The following KLF12 variants were observed in gnomAD, a reference collection of about 807,000 sequenced individuals.
KLF12 encodes Krueppel-like factor 12.
In KLF12, 9 loss-of-function variants were observed where a neutral mutation model predicts 37.8. That is an observed-to-expected ratio of 0.24 (90% CI 0.14 to 0.42). The LOEUF (loss-of-function observed/expected upper bound fraction) is 0.42, where lower values mean the gene tolerates loss of function less well. KLF12 is among the 10% of genes least tolerant of loss of function. KLF12 has a pLI of 1.00. For missense variants in KLF12, 411 were observed against 516.0 expected (o/e 0.80, Z 1.97); for synonymous variants, 208 against 202.1 (o/e 1.03, Z -0.25).
At chr13:74,072,364 AATATATATATATATATAT>A (rs773653636) in intron 1 of KLF12, among the ~76,000 whole-genome samples, 3,311 of 63,110 alleles carry the variant, frequency 0.052, 215 homozygotes, top group African/African-American at 0.12. Context: ...AAGAAATACA[AATATATATATATATATAT>A]ATATATATAT....
chr13:74,213,402 A>G, the KLF12 span, among the ~76,000 whole-genome samples: 12 of 152,300 alleles, frequency 7.9e-5, no homozygotes, highest in African/African-American at 2.9e-4. Flanking sequence ...TTTAACAGAT[A>G]AAGAGAAATT....
chr13:73,851,482 T>C (rs1361432635), intron 3 of KLF12, among the ~76,000 whole-genome samples: 1 of 152,218 alleles, frequency 6.6e-6, no homozygotes, highest in Non-Finnish European at 1.5e-5. Flanking sequence ...AGGAAGATCA[T>C]GTAACAGTTG....
intron 1 of KLF12, among the ~76,000 whole-genome samples, chr13:74,099,684 C>T (rs1876201149): frequency 1.3e-5 from 2 of 152,142 alleles, no homozygotes. Context: ...TTCCACAGCA[C>T]CCTGCTATTT....
At chr13:73,990,022 G>A (rs1309653760) in intron 2 of KLF12, among the ~76,000 whole-genome samples, 1 of 151,934 alleles carries the variant, frequency 6.6e-6, no homozygotes, top group Non-Finnish European at 1.5e-5. Context: ...AAAATAAGTC[G>A]ACATAGCTAT....
chr13:74,183,622 G>T, the KLF12 span, among the ~76,000 whole-genome samples: 3 of 151,976 alleles, frequency 2.0e-5, no homozygotes, highest in Non-Finnish European at 4.4e-5. Flanking sequence ...CACCAACAGC[G>T]TATTTAGAAA....
chr13:73,916,247 G>GCACA (rs34551604), intron 3 of KLF12, among the ~76,000 whole-genome samples: 4 of 146,642 alleles, frequency 2.7e-5, no homozygotes, highest in African/African-American at 7.6e-5. Flanking sequence ...ACACGCACAC[G>GCACA]CACACACACA....
chr13:73,692,557 T>C lies in KLF12; in HGVS notation c.*2933A>G, dbSNP rs1200445080. 1 of 152,682 alleles carries C rather than the reference T, an allele frequency of 6.5e-6. No individual in the cohort carries two copies. Among genetic ancestry groups the C allele is most frequent in the Non-Finnish European group, 1.5e-5 (1 of 68,048 alleles). 9.5% of individuals were successfully genotyped at this position (152,682 alleles called of 1,614,324 possible). ...TCTACTGCTTTTCTGTTGCTCATGA[T>C]GCACTGTGCTTTTTGAAAGAGGCTA... On this transcript the variant is annotated 3_prime_UTR_variant, in exon 8 of 8. Coordinates refer to ENST00000377669, the MANE Select transcript of KLF12 (RefSeq NM_007249.5).
chr13:74,134,986 C>G (rs1313781041), upstream of KLF12, among the ~76,000 whole-genome samples: 1 of 151,632 alleles, frequency 6.6e-6, no homozygotes, highest in Admixed American at 6.6e-5. Context: ...CCCTGGGCGC[C>G]GGGCATCGCC....
At chr13:74,186,706 T>C in the KLF12 span, among the ~76,000 whole-genome samples, 1 of 152,204 alleles carries the variant, frequency 6.6e-6, no homozygotes, top group African/African-American at 2.4e-5. Context: ...TAAACTACAT[T>C]TTACCTACAT....
intron 5 of KLF12, among the ~76,000 whole-genome samples, chr13:73,786,299 G>T (rs891672868): frequency 6.6e-6 from 1 of 152,044 alleles, no homozygotes; most frequent in Non-Finnish European, 1.5e-5. Context: ...CAGCAACCAA[G>T]AACCCTAAAA....
chr13:74,092,909 C>A (rs1875760351), intron 1 of KLF12, among the ~76,000 whole-genome samples: 1 of 152,210 alleles, frequency 6.6e-6, no homozygotes, highest in African/African-American at 2.4e-5. Flanking sequence ...AGCTTCCTCG[C>A]TCACTCTCCT....
chr13:74,209,583 A>T, the KLF12 span, among the ~76,000 whole-genome samples: 1 of 151,620 alleles, frequency 6.6e-6, no homozygotes, highest in African/African-American at 2.4e-5. Flanking sequence ...TAGTTAAAAA[A>T]TTTGAGAACT....
chr13:74,190,037 A>T, the KLF12 span, among the ~76,000 whole-genome samples: 1 of 151,870 alleles, frequency 6.6e-6, no homozygotes, highest in African/African-American at 2.4e-5. Flanking sequence ...TATTGCAAAG[A>T]TTACTGCAAA....
At chr13:74,153,895 G>T in the KLF12 span, among the ~76,000 whole-genome samples, 5 of 152,140 alleles carry the variant, frequency 3.3e-5, no homozygotes, top group South Asian at 1.0e-3. Context: ...TGATGTTTTT[G>T]TTCTAGATTG....
At chr13:74,195,845 A>G in the KLF12 span, among the ~76,000 whole-genome samples, 1 of 152,100 alleles carries the variant, frequency 6.6e-6, no homozygotes, top group Non-Finnish European at 1.5e-5. Context: ...TGGCCTCCCA[A>G]ACTGCTGGGA....
At chr13:73,938,231 C>A (rs1161643493) in intron 3 of KLF12, among the ~76,000 whole-genome samples, 2 of 152,116 alleles carry the variant, frequency 1.3e-5, no homozygotes, top group African/African-American at 4.8e-5. Flanking sequence ...TACGCCTTTA[C>A]GCACAGATGT....
intron 1 of KLF12, among the ~76,000 whole-genome samples, chr13:74,071,714 A>G (rs1874263236): frequency 6.6e-6 from 1 of 152,124 alleles, no homozygotes; most frequent in Non-Finnish European, 1.5e-5. Flanking sequence ...AAAAGAAATG[A>G]CTGAATGGCA....
intron 7 of KLF12, among the ~76,000 whole-genome samples, chr13:73,700,173 A>G (rs992322884): frequency 6.6e-6 from 1 of 152,138 alleles, no homozygotes; most frequent in Admixed American, 6.5e-5. Flanking sequence ...AGGCTGAGGC[A>G]TGAGAATCAC....
intron 5 of KLF12, among the ~76,000 whole-genome samples, chr13:73,784,731 A>G (rs7339334): frequency 6.6e-6 from 1 of 150,894 alleles, no homozygotes; most frequent in African/African-American, 2.4e-5. Context: ...CCTGAGTTCA[A>G]GCCATTCTCC....
Sources: allele counts gnomAD v4.1 joint callset (sites outside exome capture counted in the v4.1 genomes callset), GRCh38; gene constraint gnomAD v4.1.1; transcripts MANE v1.5; gene names NCBI Gene and HGNC (gene_info 2026-07-23, HGNC 2026-07-21).